The following COX7B2 variants were observed in gnomAD, a reference collection of about 807,000 sequenced individuals.
COX7B2 encodes the protein cytochrome c oxidase subunit 7B2, mitochondrial.
For synonymous variants in COX7B2, 37 were observed against 32.1 expected, an observed-to-expected ratio of 1.15 and a Z score of -0.51; for missense variants, 109 against 95.9, an observed-to-expected ratio of 1.14 and a Z score of -0.57.
At chr4:46,834,227 A>G (rs1255416611) in intron 2 of COX7B2, among the ~76,000 whole-genome samples, 1 of 152,134 alleles carries the variant, frequency 6.6e-6, no homozygotes, top group East Asian at 1.9e-4. Context: ...TAAAATACCA[A>G]CAAGTTTTGT....
At chr4:46,752,527 C>T (rs1054367715) in intron 2 of COX7B2, among the ~76,000 whole-genome samples, 1 of 152,080 alleles carries the variant, frequency 6.6e-6, no homozygotes, top group Non-Finnish European at 1.5e-5. Context: ...CCAGTTTTTG[C>T]CAATTCAGTA....
chr4:46,769,097 A>C (rs896220588), intron 2 of COX7B2, among the ~76,000 whole-genome samples: 2 of 152,052 alleles, frequency 1.3e-5, no homozygotes, highest in African/African-American at 4.8e-5. Context: ...AATTCTAACA[A>C]ACATTTAAAT....
At chr4:46,847,263 T>C (rs1182404911) in intron 1 of COX7B2, among the ~76,000 whole-genome samples, 3 of 151,910 alleles carry the variant, frequency 2.0e-5, no homozygotes, top group Non-Finnish European at 2.9e-5. Flanking sequence ...GACGGTGAGA[T>C]GTATGTGAAG....
intron 2 of COX7B2, among the ~76,000 whole-genome samples, chr4:46,836,631 A>T (rs190854918): frequency 2.2e-4 from 33 of 152,240 alleles, no homozygotes; most frequent in African/African-American, 7.7e-4. Context: ...AATAATGAAT[A>T]AAAAACATAG....
chr4:46,757,710 A>T (rs954372160), intron 2 of COX7B2, among the ~76,000 whole-genome samples: 1 of 152,128 alleles, frequency 6.6e-6, no homozygotes, highest in African/African-American at 2.4e-5. Flanking sequence ...AGTTTATGTT[A>T]TCTTGTTCAC....
At chr4:46,784,380 A>T (rs1006932959) in intron 2 of COX7B2, among the ~76,000 whole-genome samples, 6 of 152,198 alleles carry the variant, frequency 3.9e-5, no homozygotes, top group Non-Finnish European at 7.3e-5. Context: ...TAATCCCAGC[A>T]CTTTGAGAGG....
At chr4:46,899,513 T>C (rs984497059) in intron 1 of COX7B2, among the ~76,000 whole-genome samples, 3 of 151,996 alleles carry the variant, frequency 2.0e-5, no homozygotes, top group Non-Finnish European at 2.9e-5. Flanking sequence ...GCTTAACAAT[T>C]GGAGGGTGCG....
intron 2 of COX7B2, among the ~76,000 whole-genome samples, chr4:46,835,586 G>A (rs777926419): frequency 2.0e-4 from 30 of 152,084 alleles, no homozygotes; most frequent in African/African-American, 2.9e-4. Context: ...AAAAAACTGC[G>A]TAAGATATAG....
chr4:46,809,360 G>A (rs1010172605), intron 2 of COX7B2, among the ~76,000 whole-genome samples: 4 of 151,628 alleles, frequency 2.6e-5, no homozygotes, highest in Non-Finnish European at 4.4e-5. Context: ...GAGGCTTAAT[G>A]TTAGACTATT....
intron 2 of COX7B2, among the ~76,000 whole-genome samples, chr4:46,800,051 A>C (rs1426313839): frequency 6.6e-6 from 1 of 152,108 alleles, no homozygotes; most frequent in Non-Finnish European, 1.5e-5. Flanking sequence ...TTAAGAGTTT[A>C]GGAATATAGC....
chr4:46,751,501 G>A (rs1224768356), intron 2 of COX7B2, among the ~76,000 whole-genome samples: 1 of 151,982 alleles, frequency 6.6e-6, no homozygotes, highest in Non-Finnish European at 1.5e-5. Flanking sequence ...TTATGCTACT[G>A]TCAACTCAAG....
intron 2 of COX7B2, among the ~76,000 whole-genome samples, chr4:46,802,923 A>G (rs928790892): frequency 6.6e-6 from 1 of 152,192 alleles, no homozygotes; most frequent in South Asian, 2.1e-4. Flanking sequence ...GCTTAAAAAT[A>G]GGCTTCCTGA....
chr4:46,832,085 C>T (rs983071271), intron 2 of COX7B2, among the ~76,000 whole-genome samples: 3 of 152,174 alleles, frequency 2.0e-5, no homozygotes, highest in Non-Finnish European at 4.4e-5. Context: ...AGAATAAAAG[C>T]AAGCTGCCCC....
At chr4:46,799,438 C>T (rs1204058762) in intron 2 of COX7B2, among the ~76,000 whole-genome samples, 3 of 152,000 alleles carry the variant, frequency 2.0e-5, no homozygotes, top group African/African-American at 7.3e-5. Context: ...TGTCTTATTC[C>T]AATTCTCAAC....
At chr4:46,785,043 T>C (rs748348951) in intron 2 of COX7B2, among the ~76,000 whole-genome samples, 77 of 152,198 alleles carry the variant, frequency 5.1e-4, no homozygotes, top group African/African-American at 1.6e-3. Flanking sequence ...TATATAAAGA[T>C]ATGAAAACAA....
At chr4:46,762,874 A>C (rs1025140011) in intron 2 of COX7B2, among the ~76,000 whole-genome samples, 2 of 146,278 alleles carry the variant, frequency 1.4e-5, no homozygotes, top group Non-Finnish European at 3.0e-5. Context: ...CATTTTTGGG[A>C]TCCTGTATGC....
At chr4:46,758,303 A>C (rs910805622) in intron 2 of COX7B2, among the ~76,000 whole-genome samples, 2 of 152,142 alleles carry the variant, frequency 1.3e-5, no homozygotes, top group Non-Finnish European at 2.9e-5. Context: ...GAGCATAGAA[A>C]ATGTATCAAA....
At chr4:46,843,532 GT>G (rs1205172848) in intron 2 of COX7B2, among the ~76,000 whole-genome samples, 3 of 151,782 alleles carry the variant, frequency 2.0e-5, no homozygotes, top group Non-Finnish European at 4.4e-5. Flanking sequence ...TTTAATCTAT[GT>G]TTTTAAAAAC....
intron 2 of COX7B2, among the ~76,000 whole-genome samples, chr4:46,811,555 C>A (rs936931980): frequency 6.6e-6 from 1 of 152,052 alleles, no homozygotes; most frequent in African/African-American, 2.4e-5. Flanking sequence ...TACACTGAAT[C>A]ATTTATTTCT....
Sources: allele counts gnomAD v4.1 joint callset (sites outside exome capture counted in the v4.1 genomes callset), GRCh38; gene constraint gnomAD v4.1.1; transcripts MANE v1.5; gene names NCBI Gene and HGNC (gene_info 2026-07-23, HGNC 2026-07-21).